ZNF850: variants seen among roughly 807,000 people sequenced by gnomAD.
ZNF850 encodes the protein putative zinc finger protein ENSP00000330994.
A neutral mutation model predicts 11.9 loss-of-function variants in ZNF850; 2 were observed. That is an observed-to-expected ratio of 0.17 (90% CI 0.07 to 0.53). The LOEUF (loss-of-function observed/expected upper bound fraction) is 0.53, where lower values mean the gene tolerates loss of function less well. Among genes scored for constraint, ZNF850 ranks in the 20% least tolerant of loss-of-function variants. The pLI is 0.94. For missense variants in ZNF850, 1,014 were observed against 1,316.4 expected (o/e 0.77, Z 3.55); for synonymous variants, 381 against 443.0 (o/e 0.86, Z 1.76).
Position 36,750,322 on chromosome 19 carries a change from G to C in ZNF850, c.718C>G (p.Leu240Val), listed in dbSNP as rs1321814996. 1 of 1,536,432 alleles carries C rather than the reference G, an allele frequency of 6.5e-7. No homozygotes were observed. ...YGKAFISGSH[L>V]IQHQKMYTDE... Reference sequence around the variant, plus strand: ...GTATACATTTTCTGGTGTTGAATAAGATGTGAGCCAGAAATAAAAGCTTTT... The same window carrying C: ...GTATACATTTTCTGGTGTTGAATAACATGTGAGCCAGAAATAAAAGCTTTT... Residue 240 changes from leucine (L) to valine (V), a missense_variant, in exon 5 of 5, where the codon CTT becomes GTT. Physicochemically the swap from Leu to Val is conservative, Grantham distance 32 (BLOSUM62 1). Transcript: ENST00000591344.
At chr19:36,760,772 G>A (rs1007971693) in intron 4 of ZNF850, among the ~76,000 whole-genome samples, 21 of 151,514 alleles carry the variant, frequency 1.4e-4, no homozygotes, top group Admixed American at 1.4e-3. Flanking sequence ...GGCTGAGGCA[G>A]GAGAATTACT....
chr19:36,755,906 C>CCT (rs2040483335), intron 4 of ZNF850, among the ~76,000 whole-genome samples: 1 of 118,068 alleles, frequency 8.5e-6, no homozygotes, highest in Admixed American at 9.5e-5. Context: ...AGTTTTTAGC[C>CCT]TTTTTTTTTT....
chr19:36,749,559 C>A lies in ZNF850; in HGVS notation c.1481G>T (p.Arg494Leu), dbSNP rs1484020771. Residue 494 changes from arginine (R) to leucine (L), a missense_variant, in exon 5 of 5, where the codon CGA becomes CTA. Physicochemically the swap from Arg to Leu is moderately radical, Grantham distance 102. This residue lies in a region of ZNF850 where 835 missense variants were observed against 1,022.0 expected (regional missense o/e 0.82). Transcript: ENST00000591344. ...CTCACCAGTGTGGATTCGCTGGTGT[C>A]GATTGCGTGTTGAGCGAAAAGTAAA... ...KSFTFRSTRN[R>L]HQRIHTGEKP... The A allele has an allele frequency of 1.3e-6, 2 of 1,540,686 alleles. No homozygotes were observed. Among genetic ancestry groups the A allele is most frequent in the Non-Finnish European group, 8.7e-7 (1 of 1,149,768 alleles).
chr19:36,750,777 T>C lies in ZNF850; in HGVS notation c.263A>G (p.Asp88Gly). The C allele has an allele frequency of 6.6e-7, 1 of 1,523,292 alleles. No homozygotes were observed. The highest frequency in any genetic ancestry group is 8.8e-7 in the Non-Finnish European group (1 of 1,139,620). The allele number at this position is 1,523,292 out of a possible 1,614,324, so 94.4% of individuals were successfully genotyped here. A position where few individuals can be genotyped will look rare whatever the true frequency, so the allele number is the denominator to read the frequency against. ...ATAGATTTCTTTTGGCAAACATGAA[T>C]CTTTGGTCTTACATCTAAACTCCGA... ...RDSEFRCKTK[D>G]SCLPKEIYEV... is the part of the protein sequence containing the mutation. Residue 88 changes from aspartate (D) to glycine (G), a missense_variant, in exon 5 of 5, where the codon GAT becomes GGT. Around this residue, in one of 2 missense-constraint regions of ZNF850, gnomAD observed 835 missense variants for 1,022.0 expected, o/e 0.82. Transcript: ENST00000591344.
In ZNF850 at chr19:36,758,821, G is replaced by A. The variant is rs549414961; in HGVS notation, c.235+2822C>T. Among the ~76,000 whole-genome samples, 13 of 152,236 alleles carry A rather than the reference G, an allele frequency of 8.5e-5. No individual in the cohort carries two copies. The East Asian group carries it at 1.9e-3, about 23-fold the overall frequency. On this transcript the variant is annotated intron_variant, in intron 4 of 4. Coordinates refer to ENST00000591344, the MANE Select transcript of ZNF850 (RefSeq NM_001193552.2). ...AGGCCGGGTGTAGTGGCTCATGTCTGTAATCCCAGCATTTTGGGAGGCCAA... is the reference window on the plus strand; with the variant it reads ...AGGCCGGGTGTAGTGGCTCATGTCTATAATCCCAGCATTTTGGGAGGCCAA...
In ZNF850 at chr19:36,750,595, G is replaced by A. The variant is rs545524954; in HGVS notation, c.445C>T (p.Pro149Ser). ...EKAIMTYETT[P>S]TFCLQTSLTL... is the part of the protein sequence containing the mutation. ...AGAGATGTCTGTAGGCAGAAAGTTG[G>A]TGTTGTTTCATAAGTCATTATTGCT... Residue 149 changes from proline to serine, a missense_variant, in exon 5 of 5, where the codon CCA (proline) becomes TCA (serine). Transcript: ENST00000591344. The A allele has an allele frequency of 7.4e-5, 113 of 1,536,114 alleles. No individual in the cohort carries two copies. In the South Asian group the frequency reaches 1.3e-3, roughly 17 times the overall value.
chr19:36,744,533 G>C lies in ZNF850; in HGVS notation c.*3234C>G, dbSNP rs1409357058. 6.6e-6 allele frequency: 1 copy of C among 151,910 alleles called. No homozygotes were observed. Among genetic ancestry groups the C allele is most frequent in the African/African-American group, 2.4e-5 (1 of 41,330 alleles). The allele number at this position is 151,910 out of a possible 1,614,324, so 9.4% of individuals were successfully genotyped here. ...TCCTTGCTACTCGGGAGGCTGAGGT[G>C]GGGGATCGATTGAGCCCGGGAAGTT... On this transcript the variant is annotated 3_prime_UTR_variant, in exon 5 of 5. Coordinates refer to ENST00000591344, the MANE Select transcript of ZNF850 (RefSeq NM_001193552.2).
Position 36,749,973 on chromosome 19 carries a change from T to C in ZNF850, c.1067A>G (p.Gln356Arg). The C allele has an allele frequency of 1.9e-6, 3 of 1,563,586 alleles. No homozygotes were observed. The highest frequency in any genetic ancestry group is 1.7e-6 in the Non-Finnish European group (2 of 1,157,084). ...FASGSALIRH[Q>R]RIHTGEKPYD... Reference sequence around the variant, plus strand: ...GGGTTTCTCACCAGTGTGAATTCGCTGATGTCGAATTAGTGCTGAGCCTGA... The same window carrying C: ...GGGTTTCTCACCAGTGTGAATTCGCCGATGTCGAATTAGTGCTGAGCCTGA... Residue 356 changes from glutamine (Q) to arginine (R), a missense_variant, in exon 5 of 5, where the codon CAG becomes CGG. Gln to Arg is a conservative substitution (Grantham distance 43). Transcript: ENST00000591344.
At position 36,749,672 on chromosome 19, in the gene ZNF850, T is replaced by G. The variant is rs766809937; in HGVS notation, c.1368A>C (p.Lys456Asn). ...GTAGTGCTGAGCCCGAAGCAAAAGA[T>G]TTCCCACACTCCTTACAATCATAGG... ...EKPYDCKECG[K>N]SFASGSALLQ... is the part of the protein sequence containing the mutation. The change falls in exon 5 of 5, where the codon AAA becomes AAC. Residue 456 changes from lysine to asparagine, a missense_variant. Physicochemically the swap from Lys to Asn is moderately conservative, Grantham distance 94 (BLOSUM62 0). Around this residue, in one of 2 missense-constraint regions of ZNF850, gnomAD observed 835 missense variants for 1,022.0 expected, o/e 0.82. Transcript: ENST00000591344. 9.6e-6 allele frequency: 15 copies of G among 1,557,346 alleles called. No homozygotes were observed. The highest frequency in any genetic ancestry group is 1.2e-5 in the Non-Finnish European group (14 of 1,153,782).
intron 1 of ZNF850, among the ~76,000 whole-genome samples, chr19:36,766,272 G>A (rs1035245103): frequency 6.6e-6 from 1 of 151,982 alleles, no homozygotes; most frequent in Non-Finnish European, 1.5e-5. Flanking sequence ...CAAATGTCTT[G>A]TTGGTAGATA....
At chr19:36,770,720 A>AAAAAAAAAAAAAAAAAAAC in intron 1 of ZNF850, among the ~76,000 whole-genome samples, 1 of 74,166 alleles carries the variant, frequency 1.3e-5, no homozygotes, top group Non-Finnish European at 2.6e-5. Context: ...AAAAAAAAAA[A>AAAAAAAAAAAAAAAAAAAC]AAAAAAAAAA....
chr19:36,767,483 G>C (rs1292108867), intron 1 of ZNF850, among the ~76,000 whole-genome samples: 1 of 150,890 alleles, frequency 6.6e-6, no homozygotes. Context: ...CTTGAACCCA[G>C]GAGGCAGAGG....
intron 4 of ZNF850, among the ~76,000 whole-genome samples, chr19:36,758,920 T>C (rs1318654959): frequency 2.1e-5 from 1 of 47,578 alleles, no homozygotes; most frequent in Non-Finnish European, 6.0e-5. Context: ...CAACTAAAAA[T>C]ACAAAAAAAA....
At chr19:36,754,494 AAAGT>A (rs1186292014) in intron 4 of ZNF850, among the ~76,000 whole-genome samples, 7 of 152,168 alleles carry the variant, frequency 4.6e-5, no homozygotes, top group Admixed American at 3.3e-4. Context: ...CTAAATATGC[AAAGT>A]AAAAATTGAG....
chr19:36,767,710 CA>C (rs1421696096), intron 1 of ZNF850, among the ~76,000 whole-genome samples: 1 of 149,696 alleles, frequency 6.7e-6, no homozygotes. Context: ...GCCTGGGTGA[CA>C]AGAGCGAGAA....
Position 36,749,060 on chromosome 19 carries a change from G to A in ZNF850, c.1980C>T (p.Leu660=). 1.2e-6 allele frequency: 2 copies of A among 1,601,958 alleles called. No homozygotes were observed. Among genetic ancestry groups the A allele is most frequent in the Non-Finnish European group, 1.7e-6 (2 of 1,175,950 alleles). ...CAGTGTGAATTCTGTGATGTTGGGT[G>A]AGTCCTGAGACACTGACAAAGGCTT... ...CGKAFVSVSG[L]TQHHRIHTGE... The change falls in exon 5 of 5, where the codon CTC becomes CTT. Residue 660 remains leucine (L), a synonymous_variant. Transcript: ENST00000591344.
chr19:36,754,105 G>T (rs1600607802), intron 4 of ZNF850, among the ~76,000 whole-genome samples: 1 of 150,114 alleles, frequency 6.7e-6, no homozygotes, highest in East Asian at 2.0e-4. Flanking sequence ...GGGGGTTGAG[G>T]CTGTGGTGAG....
In ZNF850 at chr19:36,749,010, T is replaced by A. The variant is rs763964990; in HGVS notation, c.2030A>T (p.Asp677Val). The A allele has an allele frequency of 6.2e-7, 1 of 1,608,450 alleles. No homozygotes were observed. The highest frequency in any genetic ancestry group is 2.2e-5 in the East Asian group (1 of 44,722). The change falls in exon 5 of 5, where the codon GAC (aspartate) becomes GTC (valine). Residue 677 changes from aspartate (D) to valine (V), a missense_variant. Physicochemically the swap from Asp to Val is radical, Grantham distance 152. Around this residue, in one of 2 missense-constraint regions of ZNF850, gnomAD observed 835 missense variants for 1,022.0 expected, o/e 0.82. Coordinates refer to ENST00000591344, the MANE Select transcript of ZNF850 (RefSeq NM_001193552.2). ...ACGCTGTCTAAAGGCCTTCCCACAG[T>A]CCGGACATTCATAGGGTTTCTCACC... ...HTGEKPYECP[D>V]CGKAFRQRTY... is the part of the protein sequence containing the mutation.
At position 36,749,003 on chromosome 19, in the gene ZNF850, C is replaced by T. The variant is rs546150375; in HGVS notation, c.2037G>A (p.Gly679=). 1.4e-5 allele frequency: 22 copies of T among 1,607,596 alleles called. No individual in the cohort carries two copies. In the South Asian group the frequency reaches 1.8e-4, roughly 13 times the overall value. ...GGTATGTACGCTGTCTAAAGGCCTTCCCACAGTCCGGACATTCATAGGGTT... is the reference window on the plus strand; with the variant it reads ...GGTATGTACGCTGTCTAAAGGCCTTTCCACAGTCCGGACATTCATAGGGTT... The part of the protein sequence containing the change: ...GEKPYECPDC[G]KAFRQRTYLN... The change falls in exon 5 of 5, where the codon GGG becomes GGA. Residue 679 remains glycine, a synonymous_variant. Transcript: ENST00000591344.
Sources: allele counts gnomAD v4.1 joint callset (sites outside exome capture counted in the v4.1 genomes callset), GRCh38; gene constraint gnomAD v4.1.1; regional missense constraint gnomAD v4.1.1; transcripts MANE v1.5; gene names NCBI Gene and HGNC (gene_info 2026-07-23, HGNC 2026-07-21).